The following PYROXD1 variants were observed in gnomAD, a reference collection of about 807,000 sequenced individuals.
PYROXD1 encodes the protein pyridine nucleotide-disulphide oxidoreductase domain 1.
A neutral mutation model predicts 62.0 loss-of-function variants in PYROXD1; 42 were observed. That is an observed-to-expected ratio of 0.68 (90% CI 0.53 to 0.88). PYROXD1 has a LOEUF of 0.88. Ranked by LOEUF, PYROXD1 falls within the 40% of genes least tolerant of loss-of-function variation. The probability of loss-of-function intolerance (pLI) is 0.00; values close to 1 mark genes in which losing one functional copy is unlikely to be tolerated. For missense variants in PYROXD1, 493 were observed against 604.8 expected, an observed-to-expected ratio of 0.82 and a Z score of 1.94; for synonymous variants, 170 against 206.4, an observed-to-expected ratio of 0.82 and a Z score of 1.51.
intron 6 of PYROXD1, among the ~76,000 whole-genome samples, chr12:21,455,660 TAAACA>T (rs142770417): frequency 6.6e-6 from 1 of 151,700 alleles, no homozygotes; most frequent in East Asian, 1.9e-4. Flanking sequence ...ATTATAAAAT[TAAACA>T]AGAGTTTTGT....
chr12:21,439,856 G>A (rs371469301), intron 1 of PYROXD1, among the ~76,000 whole-genome samples: 103 of 152,258 alleles, frequency 6.8e-4, no homozygotes, highest in African/African-American at 2.3e-3. Context: ...TGGCTTTATC[G>A]TCCCACAATA....
chr12:21,440,349 C>G lies in PYROXD1; in HGVS notation c.85-19C>G, dbSNP rs749208041. ...AAAGTAATTTGTCCTAATTTTTTTT[C>G]TCTCTTTTTAAAAATAAGTTGGCTA... On this transcript the variant is annotated intron_variant, in intron 1 of 11. Transcript: ENST00000240651. 8.8e-5 allele frequency: 130 copies of G among 1,477,740 alleles called. No individual in the cohort carries two copies. The highest frequency in any genetic ancestry group is 1.2e-4 in the Non-Finnish European group (128 of 1,071,902). The allele number at this position is 1,477,740 out of a possible 1,614,324, so 91.5% of individuals were successfully genotyped here.
chr12:21,467,729 A>T, intron 11 of PYROXD1, 111 bp downstream of exon 11: 1 of 833,080 alleles, frequency 1.2e-6, no homozygotes, highest in Non-Finnish European at 1.9e-6. Flanking sequence ...AATCATCTAC[A>T]AAAAAATGAC....
chr12:21,441,336 G>A (rs1412469998), intron 2 of PYROXD1: 1 of 152,084 alleles, frequency 6.6e-6, no homozygotes, highest in Non-Finnish European at 1.5e-5. Context: ...AAAGTTTTCT[G>A]TTGTTATTTC....
rs1278536581 is a variant in PYROXD1 at position 21,469,753 on chromosome 12, T to C, written c.*999T>C. The C allele has an allele frequency of 3.2e-5, 5 of 154,126 alleles. No homozygotes were observed. Among genetic ancestry groups the C allele is most frequent in the African/African-American group, 1.2e-4 (5 of 41,228 alleles). 9.5% of individuals were successfully genotyped at this position (154,126 alleles called of 1,614,324 possible). A position where few individuals can be genotyped will look rare whatever the true frequency, so the allele number is the denominator to read the frequency against. ...TTTTATGTGCGGCCCAAGACAATTC[T>C]TCTTCCAATGTGGCTCAGGGAAGCC... On this transcript the variant is annotated 3_prime_UTR_variant, in exon 12 of 12. Transcript: ENST00000240651.
chr12:21,460,572 C>T (rs1942678581), intron 7 of PYROXD1, among the ~76,000 whole-genome samples: 1 of 151,836 alleles, frequency 6.6e-6, no homozygotes. Context: ...TACAGGCGCA[C>T]ACCACCAGGC....
intron 4 of PYROXD1, among the ~76,000 whole-genome samples, chr12:21,451,187 C>G (rs1942489567): frequency 6.6e-6 from 1 of 151,036 alleles, no homozygotes; most frequent in Non-Finnish European, 1.5e-5. Context: ...CTATTCTATA[C>G]TTCTGAAAGT....
chr12:21,462,316 C>T (rs966634240), intron 9 of PYROXD1, among the ~76,000 whole-genome samples, 196 bp downstream of exon 9: 4 of 152,130 alleles, frequency 2.6e-5, no homozygotes, highest in Admixed American at 2.6e-4. Flanking sequence ...TATATCCTTG[C>T]ATAAGCGTCA....
rs1411508257 is a variant in PYROXD1 at position 21,462,999 on chromosome 12, T to G, written c.1116+137T>G. The stretch of plus-strand genomic sequence containing the variant: ...AAGCTAGCACAGTTGTTATATATAT[T>G]TAAAAAAAAAACTAGAATATTTCCC... On this transcript the variant is annotated intron_variant, in intron 10 of 11. Coordinates refer to ENST00000240651, the MANE Select transcript of PYROXD1 (RefSeq NM_024854.5). 1.4e-5 allele frequency: 10 copies of G among 692,042 alleles called. No individual in the cohort carries two copies. In the Admixed American group the frequency reaches 3.4e-4, roughly 23 times the overall value. 42.9% of individuals were successfully genotyped at this position (692,042 alleles called of 1,614,324 possible). A position where few individuals can be genotyped will look rare whatever the true frequency, so the allele number is the denominator to read the frequency against.
At chr12:21,443,125 C>A (rs1942326893) in intron 2 of PYROXD1, among the ~76,000 whole-genome samples, 1 of 151,976 alleles carries the variant, frequency 6.6e-6, no homozygotes, top group South Asian at 2.1e-4. Flanking sequence ...TACAAATATT[C>A]TTTTGAGAGT....
chr12:21,469,031 G>A lies in PYROXD1; in HGVS notation c.*277G>A, dbSNP rs1210167774. 2.1e-5 allele frequency: 6 copies of A among 282,554 alleles called. No homozygotes were observed. Among genetic ancestry groups the A allele is most frequent in the Non-Finnish European group, 4.0e-5 (6 of 149,292 alleles). 17.5% of individuals were successfully genotyped at this position (282,554 alleles called of 1,614,324 possible). A position where few individuals can be genotyped will look rare whatever the true frequency, so the allele number is the denominator to read the frequency against. On this transcript the variant is annotated 3_prime_UTR_variant, in exon 12 of 12. Transcript: ENST00000240651. ...TTTAAACATAAATATGTTTACTTGTGATTTAGCTTTGGAGCAAATTTAGGT... is the reference window on the plus strand; with the variant it reads ...TTTAAACATAAATATGTTTACTTGTAATTTAGCTTTGGAGCAAATTTAGGT...
intron 5 of PYROXD1, 158 bp from the exon 6 acceptor site, chr12:21,454,974 G>A (rs1942568678): frequency 4.9e-6 from 2 of 409,926 alleles, no homozygotes; most frequent in Non-Finnish European, 8.8e-6. Flanking sequence ...CTTAACATCT[G>A]TAAAGAACGT....
intron 7 of PYROXD1, 165 bp from the exon 8 acceptor site, chr12:21,460,860 T>G (rs898493766): frequency 4.9e-6 from 2 of 405,148 alleles, no homozygotes; most frequent in Non-Finnish European, 8.8e-6. Flanking sequence ...ACTCCTTTCA[T>G]GTGCATAGAG....
At chr12:21,447,235 CACATAT>C (rs1942407005) in intron 3 of PYROXD1, among the ~76,000 whole-genome samples, 1 of 151,976 alleles carries the variant, frequency 6.6e-6, no homozygotes, top group African/African-American at 2.4e-5. Flanking sequence ...AGGGATAAAA[CACATAT>C]ATACCACATT....
intron 3 of PYROXD1, 104 bp from the exon 4 acceptor site, chr12:21,449,459 T>C (rs1284582392): frequency 1.7e-5 from 18 of 1,066,816 alleles, no homozygotes; most frequent in Admixed American, 7.9e-5. Context: ...AACCTTAATA[T>C]ATTATGTTTT....
chr12:21,456,339 A>G (rs908639061), intron 7 of PYROXD1, among the ~76,000 whole-genome samples: 1 of 152,118 alleles, frequency 6.6e-6, no homozygotes, highest in African/African-American at 2.4e-5. Context: ...ATACTGTAAT[A>G]TATATACAGT....
In PYROXD1 at chr12:21,455,258, A is replaced by T; in HGVS notation, c.615A>T (p.Lys205Asn). Residue 205 changes from lysine to asparagine, a missense_variant, in exon 6 of 12, where the codon AAA becomes AAT. By Grantham distance (94) the Lys-to-Asn change is moderately conservative. Around this residue, in one of 2 missense-constraint regions of PYROXD1, gnomAD observed 329 missense variants for 446.6 expected, o/e 0.74. Transcript: ENST00000240651. ...TCATTGCTGAAAAATCAGAGGCTAA[A>T]ATTGCACATAAAAGAACCAGATATA... ...SKLIAEKSEA[K>N]IAHKRTRYTT... is the part of the protein sequence containing the mutation. 1.3e-6 allele frequency: 2 copies of T among 1,571,142 alleles called. No individual in the cohort carries two copies. Among genetic ancestry groups the T allele is most frequent in the Non-Finnish European group, 1.7e-6 (2 of 1,159,040 alleles).
chr12:21,460,784 A>T (rs976517161), intron 7 of PYROXD1: 1 of 263,344 alleles, frequency 3.8e-6, no homozygotes, highest in Admixed American at 5.4e-5. Flanking sequence ...GCTAAAAAGC[A>T]TTCCCTCGAT....
Position 21,469,897 on chromosome 12 carries a change from A to G in PYROXD1, c.*1143A>G, listed in dbSNP as rs1232502964. Reference sequence around the variant, plus strand: ...GTCAAAAGAAAAAATATAGCTAAGTATATAAAGGCATAAAAAACTTAAGAC... The same window carrying G: ...GTCAAAAGAAAAAATATAGCTAAGTGTATAAAGGCATAAAAAACTTAAGAC... On this transcript the variant is annotated 3_prime_UTR_variant, in exon 12 of 12. Coordinates refer to ENST00000240651, the MANE Select transcript of PYROXD1 (RefSeq NM_024854.5). 1 of 247,498 alleles carries G rather than the reference A, an allele frequency of 4.0e-6. No homozygotes were observed. Among genetic ancestry groups the G allele is most frequent in the Non-Finnish European group, 7.8e-6 (1 of 128,792 alleles). 15.3% of individuals were successfully genotyped at this position (247,498 alleles called of 1,614,324 possible). A position where few individuals can be genotyped will look rare whatever the true frequency, so the allele number is the denominator to read the frequency against.
Sources: gnomAD v4.1 joint callset for allele counts (sites outside exome capture counted in the v4.1 genomes callset) on GRCh38, gnomAD v4.1.1 for gene constraint, gnomAD v4.1.1 regional missense constraint, MANE v1.5 for transcripts, NCBI Gene and HGNC (gene_info 2026-07-23, HGNC 2026-07-21) for gene names.